FRMD6: variants seen among roughly 807,000 people sequenced by gnomAD.
FRMD6 encodes the protein FERM domain-containing protein 6.
A neutral mutation model predicts 73.2 loss-of-function variants in FRMD6; 37 were observed. That is an observed-to-expected ratio of 0.51 (90% CI 0.39 to 0.66). The LOEUF is 0.66. FRMD6 is among the 30% of genes least tolerant of loss of function. FRMD6 has a pLI of 0.00. For synonymous variants in FRMD6, 273 were observed against 282.2 expected, an observed-to-expected ratio of 0.97 and a Z score of 0.33; for missense variants, 714 against 780.5, an observed-to-expected ratio of 0.91 and a Z score of 1.02.
intron 2 of FRMD6, among the ~76,000 whole-genome samples, chr14:51,695,669 C>T (rs542558151): frequency 3.3e-5 from 5 of 152,292 alleles, no homozygotes; most frequent in African/African-American, 1.2e-4. Flanking sequence ...CGAACATTTA[C>T]TGAGTGCCTA....
At chr14:51,573,958 C>T (rs902927447) in intron 2 of FRMD6, among the ~76,000 whole-genome samples, 4 of 152,170 alleles carry the variant, frequency 2.6e-5, no homozygotes, top group Non-Finnish European at 4.4e-5. Context: ...TCCAGAATCC[C>T]ATAATAATTA....
At chr14:51,726,193 G>A (rs1025938442) in intron 13 of FRMD6, among the ~76,000 whole-genome samples, 1 of 152,126 alleles carries the variant, frequency 6.6e-6, no homozygotes, top group East Asian at 1.9e-4. Context: ...CAACCTGGGA[G>A]AATAATATTT....
At chr14:51,633,621 A>AAAAAAAAAAAAAAAG (rs143710280) in intron 2 of FRMD6, among the ~76,000 whole-genome samples, 2 of 99,368 alleles carry the variant, frequency 2.0e-5, no homozygotes, top group African/African-American at 4.0e-5. Flanking sequence ...AAAAAAAAAA[A>AAAAAAAAAAAAAAAG]GAAATAATTA....
the FRMD6 span, among the ~76,000 whole-genome samples, chr14:51,482,094 G>A: frequency 2.0e-5 from 3 of 152,144 alleles, no homozygotes; most frequent in Admixed American, 1.3e-4. Context: ...TTATAGAAAA[G>A]AAAAAGATGT....
chr14:51,718,946 A>C lies in FRMD6; in HGVS notation c.1025-1109A>C, dbSNP rs373675208. On this transcript the variant is annotated intron_variant, in intron 10 of 13. Transcript: ENST00000344768. ...ATCAGGCATGCAAGTATTTTCACTT[A>C]ACCAAGAAACAAGACAATTAAAATC... is the stretch of plus-strand genomic sequence containing the variant. Among the ~76,000 whole-genome samples the C allele has an allele frequency of 2.6e-5, 4 of 152,316 alleles. No homozygotes were observed. In the South Asian group the frequency reaches 8.3e-4, roughly 32 times the overall value.
At position 51,725,799 on chromosome 14, in the gene FRMD6, G is replaced by T; in HGVS notation, c.1513G>T (p.Gly505Trp). 1 of 1,613,224 alleles carries T rather than the reference G, an allele frequency of 6.2e-7. No individual in the cohort carries two copies. The highest frequency in any genetic ancestry group is 8.5e-7 in the Non-Finnish European group (1 of 1,179,290). ...GHSGLIVKEIGSSTSSSSETV... is the reference protein window; with the variant it reads ...GHSGLIVKEIWSSTSSSSETV... ...TTCAGGGTTGATTGTGAAAGAAATT[G>T]GGTCTTCCACCTCGAGCTCTTCAGA... The change falls in exon 13 of 14, where the codon GGG (glycine) becomes TGG (tryptophan). Residue 505 changes from glycine to tryptophan, a missense_variant. Transcript: ENST00000344768.
Position 51,685,561 on chromosome 14 carries a change from T to A in FRMD6, c.-146-4130T>A, listed in dbSNP as rs1266781734. 2.0e-5 allele frequency among the ~76,000 whole-genome samples: 3 copies of A among 152,338 alleles called. No homozygotes were observed. In the South Asian group the frequency reaches 6.2e-4, roughly 32 times the overall value. On this transcript the variant is annotated intron_variant, in intron 1 of 13. Coordinates refer to ENST00000344768, the MANE Select transcript of FRMD6 (RefSeq NM_001267046.2). ...TCATTTTACTAAAGACATTTTGATA[T>A]CACTTTTGGGATAGGATACTATACA...
intron 8 of FRMD6, 21 bp downstream of exon 8, chr14:51,711,617 T>A: frequency 1.3e-6 from 2 of 1,525,500 alleles, no homozygotes; most frequent in South Asian, 2.2e-5. Context: ...GAGAATTGTG[T>A]CAAATGCTGT....
chr14:51,546,414 T>A (rs1054499284), intron 1 of FRMD6, among the ~76,000 whole-genome samples: 1 of 150,846 alleles, frequency 6.6e-6, no homozygotes, highest in Admixed American at 6.6e-5. Context: ...TTTCTTTTTT[T>A]AAATAGTTCC....
At chr14:51,413,568 A>G in the FRMD6 span, among the ~76,000 whole-genome samples, 1 of 152,316 alleles carries the variant, frequency 6.6e-6, no homozygotes, top group East Asian at 1.9e-4. Context: ...ATTGATGGAC[A>G]TTTGGGTTGG....
At chr14:51,508,079 C>T (rs1884078754) in intron 1 of FRMD6, among the ~76,000 whole-genome samples, 1 of 152,198 alleles carries the variant, frequency 6.6e-6, no homozygotes, top group Non-Finnish European at 1.5e-5. Flanking sequence ...GCCAGCTACT[C>T]CCCTCTTCAG....
intron 7 of FRMD6, among the ~76,000 whole-genome samples, chr14:51,709,062 C>A (rs1896795739): frequency 6.6e-6 from 1 of 152,160 alleles, no homozygotes; most frequent in Non-Finnish European, 1.5e-5. Context: ...CTCCTCCTAA[C>A]CCCTTTCACT....
intron 1 of FRMD6, among the ~76,000 whole-genome samples, chr14:51,507,433 C>T (rs1302625019): frequency 6.6e-6 from 1 of 152,150 alleles, no homozygotes; most frequent in Non-Finnish European, 1.5e-5. Context: ...TCCAAGCTAG[C>T]TCAGAATCCA....
chr14:51,438,058 A>C, the FRMD6 span, among the ~76,000 whole-genome samples: 2 of 152,160 alleles, frequency 1.3e-5, no homozygotes, highest in Non-Finnish European at 2.9e-5. Context: ...TCTCTTGTTT[A>C]AAAAAAGACA....
In FRMD6 at chr14:51,708,840, C is replaced by T. The variant is rs116251906; in HGVS notation, c.714+607C>T. ...CTAAATGGCAAAGCCAGGATTTAGT[C>T]AAGGCCTTCTTGATAACATAGGCTG... On this transcript the variant is annotated intron_variant, in intron 7 of 13. Coordinates refer to ENST00000344768, the MANE Select transcript of FRMD6 (RefSeq NM_001267046.2). Among the ~76,000 whole-genome samples the T allele has an allele frequency of 4.2e-3, 641 of 152,290 alleles. 3 individuals carry two copies. The highest frequency in any genetic ancestry group is 0.024 in the Middle Eastern group (7 of 294).
intron 1 of FRMD6, among the ~76,000 whole-genome samples, chr14:51,567,759 G>A (rs1374266664): frequency 2.0e-5 from 3 of 152,110 alleles, no homozygotes; most frequent in Non-Finnish European, 4.4e-5. Context: ...CACAGTTAAT[G>A]CTTAACTCTC....
At chr14:51,660,327 C>CA (rs1893129473) in intron 1 of FRMD6, among the ~76,000 whole-genome samples, 1 of 152,028 alleles carries the variant, frequency 6.6e-6, no homozygotes, top group Non-Finnish European at 1.5e-5. Flanking sequence ...TTTTAGGGTC[C>CA]AAAATCAAGG....
At chr14:51,441,604 G>A in the FRMD6 span, among the ~76,000 whole-genome samples, 3 of 152,158 alleles carry the variant, frequency 2.0e-5, no homozygotes, top group Non-Finnish European at 4.4e-5. Flanking sequence ...TCCAGTTTTA[G>A]TTCCTGTGTC....
At chr14:51,644,187 C>T (rs1039310116) in intron 2 of FRMD6, among the ~76,000 whole-genome samples, 13 of 152,114 alleles carry the variant, frequency 8.5e-5, no homozygotes, top group Non-Finnish European at 1.3e-4. Context: ...ATAAACATTA[C>T]GTGAACTGAG....
Sources: allele counts gnomAD v4.1 joint callset (sites outside exome capture counted in the v4.1 genomes callset), GRCh38; gene constraint gnomAD v4.1.1; transcripts MANE v1.5; gene names NCBI Gene and HGNC (gene_info 2026-07-23, HGNC 2026-07-21).